TIMM23: variants seen among roughly 807,000 people sequenced by gnomAD.
TIMM23 encodes the protein translocase of inner mitochondrial membrane 23, also known as mitochondrial import inner membrane translocase subunit Tim23.
Under a neutral mutation model 30.7 loss-of-function variants are expected in TIMM23, and 19 were observed. The observed-to-expected ratio is 0.62, with a 90% CI of 0.43 to 0.91. The LOEUF is 0.91. Among genes scored for constraint, TIMM23 ranks in the 40% least tolerant of loss-of-function variants. TIMM23 has a pLI of 0.00. For synonymous variants in TIMM23, 78 were observed against 98.5 expected (o/e 0.79, Z 1.23); for missense variants, 202 against 269.2 (o/e 0.75, Z 1.75).
In TIMM23 at chr10:45,996,966, AAC is replaced by A. The variant is rs1400226321; in HGVS notation, c.515-6235_515-6234del. On this transcript the variant is annotated intron_variant, in intron 6 of 6. Coordinates refer to ENST00000580018, the MANE Select transcript of TIMM23 (RefSeq NM_006327.4). ...GACGACAGAGTGAGACCCTGTGTCA[AAC>A]AAAAAAAAAAAAAAAAAGATAGATT... is the stretch of plus-strand genomic sequence containing the variant. Among the ~76,000 whole-genome samples the A allele has an allele frequency of 3.2e-4, 48 of 149,184 alleles. 1 individual carries two copies. Among genetic ancestry groups the A allele is most frequent in the Non-Finnish European group, 4.8e-4 (32 of 67,120 alleles).
At chr10:45,990,119 T>TA (rs1838113132) in intron 6 of TIMM23, among the ~76,000 whole-genome samples, 2 of 87,598 alleles carry the variant, frequency 2.3e-5, no homozygotes, top group Admixed American at 2.2e-4. Context: ...ACTTTTAATT[T>TA]TTTTTTTTTT....
At chr10:45,985,764 T>A (rs2132259379) in intron 5 of TIMM23, among the ~76,000 whole-genome samples, 1 of 152,352 alleles carries the variant, frequency 6.6e-6, no homozygotes, top group South Asian at 2.1e-4. Flanking sequence ...AAGAGCTTTG[T>A]ATGTTAGGCA....
Position 46,003,484 on chromosome 10 carries a change from G to C in TIMM23, c.*166G>C, listed in dbSNP as rs1554918248. On this transcript the variant is annotated 3_prime_UTR_variant, in exon 7 of 7. Transcript: ENST00000580018. ...GGATGGCTGACCAAGACTGGCACTT[G>C]TTCCAGCCATTAGTGAGTTGAAGCC... is the stretch of plus-strand genomic sequence containing the variant. 9.1e-6 allele frequency: 5 copies of C among 551,494 alleles called. No homozygotes were observed. The African/African-American group carries it at 9.6e-5, about 11-fold the overall frequency. 34.2% of individuals were successfully genotyped at this position (551,494 alleles called of 1,614,324 possible).
intron 1 of TIMM23, 144 bp downstream of exon 1, chr10:45,972,874 T>C (rs2132234482): frequency 6.9e-7 from 1 of 1,445,344 alleles, no homozygotes; most frequent in African/African-American, 1.4e-5. Flanking sequence ...TTAGTGTATC[T>C]GCATGGCTGC....
At chr10:45,983,781 T>C (rs1837918680) in intron 4 of TIMM23, among the ~76,000 whole-genome samples, 1 of 152,348 alleles carries the variant, frequency 6.6e-6, no homozygotes, top group Admixed American at 6.5e-5. Flanking sequence ...CCTTGCTGTG[T>C]TGCCTGAGCT....
In TIMM23 at chr10:45,985,411, G is replaced by A. The variant is rs1300224123; in HGVS notation, c.373G>A (p.Ala125Thr). The change falls in exon 5 of 7, where the codon GCA (alanine) becomes ACA (threonine). Residue 125 changes from alanine to threonine, a missense_variant. Physicochemically the swap from Ala to Thr is moderately conservative, Grantham distance 58. Coordinates refer to ENST00000580018, the MANE Select transcript of TIMM23 (RefSeq NM_006327.4). ...TTTGAATATGGTGACTAGGCAAGGGGCACTTTGGGCTAATACTCTAGGTTC... is the reference window on the plus strand; with the variant it reads ...TTTGAATATGGTGACTAGGCAAGGGACACTTTGGGCTAATACTCTAGGTTC... ...QILNMVTRQG[A>T]LWANTLGSLA... The A allele has an allele frequency of 3.5e-5, 56 of 1,613,386 alleles. No individual in the cohort carries two copies. The highest frequency in any genetic ancestry group is 1.6e-4 in the Middle Eastern group (1 of 6,074).
chr10:45,978,187 C>G (rs1554913459), intron 2 of TIMM23, among the ~76,000 whole-genome samples: 3 of 151,804 alleles, frequency 2.0e-5, no homozygotes, highest in Non-Finnish European at 4.4e-5. Context: ...TCCCATCTCT[C>G]CAAAAAAATA....
chr10:45,994,036 T>C (rs1284506247), intron 6 of TIMM23, among the ~76,000 whole-genome samples: 1 of 151,826 alleles, frequency 6.6e-6, no homozygotes, highest in Non-Finnish European at 1.5e-5. Context: ...CAAAATTAAA[T>C]ATGAAATGAA....
At chr10:45,979,606 CTTTTTTT>C (rs1171770886) in intron 2 of TIMM23, among the ~76,000 whole-genome samples, 2 of 54,378 alleles carry the variant, frequency 3.7e-5, no homozygotes, top group African/African-American at 7.0e-5. Flanking sequence ...CATGCCTGGC[CTTTTTTT>C]TTTTTTTTTT....
At position 45,982,914 on chromosome 10, in the gene TIMM23, A is replaced by G; in HGVS notation, c.328A>G (p.Lys110Glu). 2 of 1,613,978 alleles carry G rather than the reference A, an allele frequency of 1.2e-6. No individual in the cohort carries two copies. Among genetic ancestry groups the G allele is most frequent in the Non-Finnish European group, 1.7e-6 (2 of 1,179,856 alleles). ...LKETQNMAWS[K>E]PRNVQILNMV... ...GGAAACCCAGAACATGGCCTGGTCC[A>G]AACCAAGAAATGTACAGTAAGTCTC... Residue 110 changes from lysine to glutamate, a missense_variant, in exon 4 of 7, where the codon AAA becomes GAA. Physicochemically the swap from Lys to Glu is moderately conservative, Grantham distance 56. Transcript: ENST00000580018.
Position 46,003,354 on chromosome 10 carries a change from TAGTCATCTAGATCCTTTTATA to T in TIMM23, c.*39_*59del. 1 of 1,379,368 alleles carries T rather than the reference TAGTCATCTAGATCCTTTTATA, an allele frequency of 7.2e-7. No homozygotes were observed. The highest frequency in any genetic ancestry group is 1.2e-5 in the South Asian group (1 of 85,846). The allele number at this position is 1,379,368 out of a possible 1,614,324, so 85.4% of individuals were successfully genotyped here. A position where few individuals can be genotyped will look rare whatever the true frequency, so the allele number is the denominator to read the frequency against. ...AACTCATGAATGGAGGACACTTCAG[TAGTCATCTAGATCCTTTTATA>T]AGACAGTTTGGAGTTATTCTCTCTC... is the stretch of plus-strand genomic sequence containing the variant. On this transcript the variant is annotated 3_prime_UTR_variant, in exon 7 of 7. Transcript: ENST00000580018.
chr10:45,972,738 T>G lies in TIMM23; in HGVS notation c.106+8T>G, dbSNP rs782625218. 11 of 1,613,694 alleles carry G rather than the reference T, an allele frequency of 6.8e-6. No homozygotes were observed. The Admixed American group carries it at 1.8e-4, about 27-fold the overall frequency. On this transcript the variant is annotated splice_region_variant and intron_variant, in intron 1 of 6. Transcript: ENST00000580018. ...ATTTGGCTGGCGTCCCGCGTAAGTA[T>G]GGGGCCTAGCTTGCGATTATTTCTG...
rs1178314788 is a variant in TIMM23 at position 45,972,601 on chromosome 10, A to T, written c.-24A>T. On this transcript the variant is annotated 5_prime_UTR_variant, in exon 1 of 7. Transcript: ENST00000580018. ...CACCCAGGCTTGAGGCAGCGGCGGG[A>T]ACCACTCGGTTTGCTGCGATACCAT... 13 of 1,598,500 alleles carry T rather than the reference A, an allele frequency of 8.1e-6. No homozygotes were observed. Among genetic ancestry groups the T allele is most frequent in the Non-Finnish European group, 1.1e-5 (13 of 1,170,092 alleles).
intron 6 of TIMM23, among the ~76,000 whole-genome samples, chr10:45,989,513 C>T (rs1838094502): frequency 6.6e-6 from 1 of 152,102 alleles, no homozygotes; most frequent in South Asian, 2.1e-4. Context: ...ATTCTTGGAT[C>T]ATATGGTTTA....
chr10:45,974,066 G>A (rs1837586795), intron 1 of TIMM23, among the ~76,000 whole-genome samples: 2 of 151,962 alleles, frequency 1.3e-5, no homozygotes, highest in African/African-American at 2.4e-5. Context: ...AAGATTTGAA[G>A]GTAAATTGGG....
intron 6 of TIMM23, among the ~76,000 whole-genome samples, chr10:45,999,250 C>A (rs1838444651): frequency 6.6e-6 from 1 of 152,318 alleles, no homozygotes; most frequent in Admixed American, 6.5e-5. Context: ...AAGCAATCCT[C>A]TCACCTCATC....
intron 2 of TIMM23, among the ~76,000 whole-genome samples, chr10:45,977,739 A>G (rs1388413161): frequency 3.9e-5 from 6 of 152,330 alleles, no homozygotes; most frequent in Middle Eastern, 6.8e-3. Flanking sequence ...GACAATACCA[A>G]CAAGAATGGA....
intron 6 of TIMM23, among the ~76,000 whole-genome samples, chr10:45,995,776 A>T (rs1157713292): frequency 7.6e-6 from 1 of 131,062 alleles, no homozygotes; most frequent in East Asian, 2.1e-4. Context: ...TGTTGGAGAA[A>T]GTGTTGTGAG....
intron 6 of TIMM23, among the ~76,000 whole-genome samples, chr10:45,989,456 TC>T (rs1838092939): frequency 6.6e-6 from 1 of 152,210 alleles, no homozygotes; most frequent in African/African-American, 2.4e-5. Flanking sequence ...TACAAATATC[TC>T]TTCAAGGTCC....
Sources: allele counts gnomAD v4.1 joint callset (sites outside exome capture counted in the v4.1 genomes callset), GRCh38; gene constraint gnomAD v4.1.1; transcripts MANE v1.5; gene names NCBI Gene and HGNC (gene_info 2026-07-23, HGNC 2026-07-21).